The following FYN variants were observed in gnomAD, a reference collection of about 807,000 sequenced individuals.
FYN encodes tyrosine-protein kinase Fyn.
Under a neutral mutation model 70.2 loss-of-function variants are expected in FYN, and 10 were observed. That is an observed-to-expected ratio of 0.14 (90% CI 0.09 to 0.24). The LOEUF is 0.24. Ranked by LOEUF, FYN falls within the 10% of genes least tolerant of loss-of-function variation. The pLI is 1.00. For missense variants in FYN, 319 were observed against 673.1 expected (o/e 0.47, Z 5.82); for synonymous variants, 236 against 248.6 (o/e 0.95, Z 0.48).
chr6:111,712,545 C>A (rs1320041347), intron 5 of FYN, among the ~76,000 whole-genome samples: 1 of 152,196 alleles, frequency 6.6e-6, no homozygotes, highest in East Asian at 1.9e-4. Flanking sequence ...CTGCACCTCG[C>A]CCTGGGCTCT....
chr6:111,831,701 C>A (rs765065188), intron 2 of FYN, among the ~76,000 whole-genome samples: 1 of 152,160 alleles, frequency 6.6e-6, no homozygotes, highest in Non-Finnish European at 1.5e-5. Flanking sequence ...CCTAAAGCTA[C>A]GCAATTAACA....
At chr6:111,863,863 G>A (rs966056194) in intron 1 of FYN, among the ~76,000 whole-genome samples, 14 of 152,138 alleles carry the variant, frequency 9.2e-5, no homozygotes, top group Admixed American at 3.3e-4. Flanking sequence ...CTGACTGATG[G>A]TTTCTACCAC....
chr6:111,689,284 G>A (rs1799197402), intron 12 of FYN, among the ~76,000 whole-genome samples: 2 of 152,188 alleles, frequency 1.3e-5, no homozygotes, highest in African/African-American at 4.8e-5. Flanking sequence ...TCCAACCCCT[G>A]GTTCCTCAGT....
At chr6:111,821,813 G>A (rs1282743076) in intron 2 of FYN, among the ~76,000 whole-genome samples, 1 of 152,108 alleles carries the variant, frequency 6.6e-6, no homozygotes, top group African/African-American at 2.4e-5. Context: ...TCAACAAGTG[G>A]GCGAAGGATA....
chr6:111,867,298 C>T (rs1299757049), intron 1 of FYN, among the ~76,000 whole-genome samples: 1 of 151,736 alleles, frequency 6.6e-6, no homozygotes, highest in Non-Finnish European at 1.5e-5. Flanking sequence ...GTGGCGAAAC[C>T]CCAATAATTA....
intron 3 of FYN, among the ~76,000 whole-genome samples, chr6:111,744,837 C>T (rs1406183921): frequency 6.6e-6 from 1 of 152,038 alleles, no homozygotes; most frequent in Non-Finnish European, 1.5e-5. Context: ...AATAAATATG[C>T]TTTTTATATC....
At chr6:111,729,647 G>GT (rs745752923) in intron 3 of FYN, among the ~76,000 whole-genome samples, 9 of 152,140 alleles carry the variant, frequency 5.9e-5, no homozygotes, top group Non-Finnish European at 1.2e-4. Context: ...AAAGTAAATT[G>GT]TAAGGTATGC....
intron 1 of FYN, among the ~76,000 whole-genome samples, chr6:111,861,867 T>C (rs1035388942): frequency 3.3e-5 from 5 of 152,218 alleles, no homozygotes; most frequent in African/African-American, 1.2e-4. Flanking sequence ...ACAAAGGCTA[T>C]AGCTGAGCTG....
chr6:111,804,453 G>C lies in FYN; in HGVS notation c.-81-23818C>G, dbSNP rs552973304. Among the ~76,000 whole-genome samples, 28 of 152,314 alleles carry C rather than the reference G, an allele frequency of 1.8e-4. No individual in the cohort carries two copies. The South Asian group carries it at 5.8e-3, about 32-fold the overall frequency. On this transcript the variant is annotated intron_variant, in intron 2 of 13. Coordinates refer to ENST00000354650, the MANE Select transcript of FYN (RefSeq NM_002037.5). ...GCATCCCTGTTCCACACAGGAATAG[G>C]ATGCTACATCGCAAAACCAATGAAT...
At chr6:111,812,060 T>C (rs1211369744) in intron 2 of FYN, among the ~76,000 whole-genome samples, 6 of 152,196 alleles carry the variant, frequency 3.9e-5, no homozygotes, top group Non-Finnish European at 5.9e-5. Flanking sequence ...CATGGAACTG[T>C]AGGGAACTGA....
At chr6:111,822,302 A>T (rs1772690034) in intron 2 of FYN, among the ~76,000 whole-genome samples, 1 of 152,234 alleles carries the variant, frequency 6.6e-6, no homozygotes, top group South Asian at 2.1e-4. Flanking sequence ...ATGCAGCCAT[A>T]AAAAAGGATG....
chr6:111,685,572 G>A (rs912350460), intron 12 of FYN, among the ~76,000 whole-genome samples: 6 of 152,194 alleles, frequency 3.9e-5, no homozygotes, highest in Admixed American at 2.0e-4. Flanking sequence ...AATGTACTGC[G>A]TGTCCATGAT....
At chr6:111,857,442 CT>C (rs1217060253) in intron 1 of FYN, among the ~76,000 whole-genome samples, 2 of 152,168 alleles carry the variant, frequency 1.3e-5, no homozygotes, top group Non-Finnish European at 2.9e-5. Flanking sequence ...AGGACATAAT[CT>C]CACACTTCTT....
chr6:111,712,189 A>G (rs953417601), intron 5 of FYN, among the ~76,000 whole-genome samples: 4 of 152,200 alleles, frequency 2.6e-5, no homozygotes, highest in South Asian at 2.1e-4. Flanking sequence ...TAATGCACAG[A>G]CGCACGTGCA....
intron 12 of FYN, among the ~76,000 whole-genome samples, chr6:111,689,489 A>C (rs1029355696): frequency 2.6e-5 from 4 of 152,244 alleles, no homozygotes; most frequent in African/African-American, 4.8e-5. Flanking sequence ...GCATGTGTGT[A>C]TCACCACAGC....
chr6:111,849,263 C>A (rs1349343851), intron 1 of FYN, among the ~76,000 whole-genome samples: 1 of 152,104 alleles, frequency 6.6e-6, no homozygotes, highest in African/African-American at 2.4e-5. Flanking sequence ...AGGACAAGAC[C>A]CTGACCAAAA....
intron 3 of FYN, among the ~76,000 whole-genome samples, chr6:111,779,809 A>C (rs1031805427): frequency 1.3e-5 from 2 of 152,212 alleles, no homozygotes; most frequent in African/African-American, 2.4e-5. Flanking sequence ...TCTAGTCTCC[A>C]AACAAGGCTG....
intron 12 of FYN, 58 bp from the exon 13 acceptor site, chr6:111,674,688 T>C: frequency 6.4e-7 from 1 of 1,559,520 alleles, no homozygotes. Context: ...GGGCATGGGG[T>C]GTGGGAGGGA....
chr6:111,791,889 T>C (rs1771635969), intron 2 of FYN, among the ~76,000 whole-genome samples: 1 of 152,248 alleles, frequency 6.6e-6, no homozygotes, highest in African/African-American at 2.4e-5. Flanking sequence ...AAATTAATTC[T>C]GGATGAAGAA....
Sources: allele counts gnomAD v4.1 joint callset (sites outside exome capture counted in the v4.1 genomes callset), GRCh38; gene constraint gnomAD v4.1.1; transcripts MANE v1.5; gene names NCBI Gene and HGNC (gene_info 2026-07-23, HGNC 2026-07-21).